Variants in CSF1R observed in about 807,000 individuals in gnomAD.
The protein encoded by CSF1R is macrophage colony-stimulating factor 1 receptor.
Under a neutral mutation model 110.0 loss-of-function variants are expected in CSF1R, and 40 were observed. The observed-to-expected ratio is 0.36, with a 90% CI of 0.28 to 0.47. CSF1R has a LOEUF of 0.47. CSF1R is among the 20% of genes least tolerant of loss of function. The probability of loss-of-function intolerance (pLI) is 0.99; values close to 1 mark genes in which losing one functional copy is unlikely to be tolerated. For synonymous variants in CSF1R, 523 were observed against 503.4 expected, an observed-to-expected ratio of 1.04 and a Z score of -0.52; for missense variants, 1,052 against 1,253.0, an observed-to-expected ratio of 0.84 and a Z score of 2.42.
chr5:150,089,622 G>A (rs1758972532), upstream of CSF1R, among the ~76,000 whole-genome samples: 1 of 152,190 alleles, frequency 6.6e-6, no homozygotes, highest in South Asian at 2.1e-4. Context: ...CTCTCAAAGT[G>A]AGACTGATTT....
intron 1 of CSF1R, among the ~76,000 whole-genome samples, chr5:150,111,455 G>C (rs1276048643): frequency 6.6e-6 from 1 of 152,228 alleles, no homozygotes; most frequent in Non-Finnish European, 1.5e-5. Flanking sequence ...GGGCCTGAGA[G>C]GCCCAAGCCC....
At chr5:150,066,495 A>G (rs1757780598) in intron 10 of CSF1R, among the ~76,000 whole-genome samples, 1 of 152,192 alleles carries the variant, frequency 6.6e-6, no homozygotes, top group Non-Finnish European at 1.5e-5. Flanking sequence ...ACCCAGACCC[A>G]TGGTATAAGA....
chr5:150,054,000 G>A lies in CSF1R; in HGVS notation c.*69C>T, dbSNP rs1226502103. ...AAGGCAGAGTTTGTATGTTCTCCCCGTGTCGCCCCATCCATGGAGGAGTTG... is the reference window on the plus strand; with the variant it reads ...AAGGCAGAGTTTGTATGTTCTCCCCATGTCGCCCCATCCATGGAGGAGTTG... On this transcript the variant is annotated 3_prime_UTR_variant, in exon 21 of 21. Coordinates refer to ENST00000675795, the MANE Select transcript of CSF1R (RefSeq NM_001288705.3). The A allele has an allele frequency of 1.3e-5, 19 of 1,473,526 alleles. No individual in the cohort carries two copies. Among genetic ancestry groups the A allele is most frequent in the Admixed American group, 5.4e-5 (3 of 55,754 alleles). 91.3% of individuals were successfully genotyped at this position (1,473,526 alleles called of 1,614,324 possible).
intron 1 of CSF1R, among the ~76,000 whole-genome samples, chr5:150,091,771 A>G (rs1323527338): frequency 6.7e-6 from 1 of 150,136 alleles, no homozygotes; most frequent in African/African-American, 2.5e-5. Context: ...TGTGAATTTT[A>G]TCTCAAAAAA....
In CSF1R at chr5:150,053,664, C is replaced by G. The variant is rs1058920; in HGVS notation, c.*405G>C. The G allele has an allele frequency of 2.3e-3, 703 of 301,708 alleles. 7 individuals carry two copies. The highest frequency in any genetic ancestry group is 0.014 in the African/African-American group (638 of 46,530). The allele number at this position is 301,708 out of a possible 1,614,324, so 18.7% of individuals were successfully genotyped here. On this transcript the variant is annotated 3_prime_UTR_variant, in exon 21 of 21. Transcript: ENST00000675795. ...CTCTCAGAGAGGGAGATCTCACTCT[C>G]TGCCAGTCTGTCTAGCCCCAAAGAG...
intron 1 of CSF1R, among the ~76,000 whole-genome samples, chr5:150,092,096 C>T (rs115711047): frequency 8.5e-5 from 13 of 152,310 alleles, no homozygotes; most frequent in African/African-American, 2.2e-4. Flanking sequence ...TGTGGCCATA[C>T]GGTCTTTGGG....
chr5:150,093,331 G>C (rs889332481), intron 1 of CSF1R, among the ~76,000 whole-genome samples: 2 of 152,026 alleles, frequency 1.3e-5, no homozygotes, highest in Non-Finnish European at 2.9e-5. Context: ...TGCCTGCTTC[G>C]GCCTCCCAAA....
chr5:150,112,616 G>A (rs1472027436), intron 1 of CSF1R, among the ~76,000 whole-genome samples: 2 of 152,210 alleles, frequency 1.3e-5, no homozygotes, highest in African/African-American at 2.4e-5. Context: ...AGGCAGATCC[G>A]GGTATCACCT....
Position 150,054,576 on chromosome 5 carries a change from A to G in CSF1R, c.2655-146T>C, listed in dbSNP as rs1048615724. ...ATAAAACCTATGCCAAGTCCTTGGC[A>G]TGCTTTACCATTTAATCCTCACAGT... is the stretch of plus-strand genomic sequence containing the variant. On this transcript the variant is annotated intron_variant, in intron 19 of 20. Transcript: ENST00000675795. 1.1e-5 allele frequency: 7 copies of G among 624,820 alleles called. No individual in the cohort carries two copies. The East Asian group carries it at 1.4e-4, about 13-fold the overall frequency. The allele number at this position is 624,820 out of a possible 1,614,324, so 38.7% of individuals were successfully genotyped here.
In CSF1R at chr5:150,086,423, C is replaced by T. The variant is rs1758849369; in HGVS notation, c.5G>A (p.Gly2Asp). 6.2e-7 allele frequency: 1 copy of T among 1,610,336 alleles called. No individual in the cohort carries two copies. Among genetic ancestry groups the T allele is most frequent in the Non-Finnish European group, 8.5e-7 (1 of 1,178,602 alleles). Residue 2 changes from glycine to aspartate, a missense_variant, in exon 1 of 21, where the codon GGC (glycine) becomes GAC (aspartate). Gly to Asp is a moderately conservative substitution (Grantham distance 94). Around this residue, in one of 5 missense-constraint regions of CSF1R, gnomAD observed 693 missense variants for 735.4 expected, o/e 0.94. Transcript: ENST00000675795. M[G>D]PGVLLLLLVA... ...CAGCAGGAGCAGCAGAACTCCTGGG[C>T]CCATGGCCTCGGTGGGGAAGTGGCA...
At chr5:150,083,827 T>C (rs1758677440) in intron 1 of CSF1R, among the ~76,000 whole-genome samples, 2 of 152,182 alleles carry the variant, frequency 1.3e-5, no homozygotes, top group African/African-American at 4.8e-5. Context: ...AAAGAGCCAA[T>C]TTACTGAACC....
chr5:150,067,234 C>T (rs1487735259), intron 10 of CSF1R: 1 of 152,076 alleles, frequency 6.6e-6, no homozygotes, highest in Non-Finnish European at 1.5e-5. Flanking sequence ...CCTCAGCTTC[C>T]TGATGGGTAA....
rs1561939503 is a variant in CSF1R at position 150,080,335 on chromosome 5, GTC to G, written c.308-1_308del. 6.2e-7 allele frequency: 1 copy of G among 1,612,398 alleles called. No homozygotes were observed. Among genetic ancestry groups the G allele is most frequent in the Non-Finnish European group, 8.5e-7 (1 of 1,179,246 alleles). On this transcript the variant is annotated splice_acceptor_variant and coding_sequence_variant, in exon 3 of 21. Transcript: ENST00000675795. LOFTEE classifies it high-confidence loss of function. ...CTAGCACGTTCCAGGGCCGGGCAGG[GTC>G]TAGAGTAGAGGAGGGCACAGGGTTA...
rs150454841 is a variant in CSF1R, at chr5:150,092,604, A to T, written c.-180-5997T>A. 3.3e-3 allele frequency among the ~76,000 whole-genome samples: 496 copies of T among 152,292 alleles called. 5 individuals are homozygous for T. Among genetic ancestry groups the T allele is most frequent in the African/African-American group, 0.011 (466 of 41,550 alleles). The stretch of plus-strand genomic sequence containing the variant: ...CAAAGGAGGAGCAGAATCACATCCA[A>T]CATGATGGCAGGCAAAAGAGTATAT... On this transcript the variant is annotated intron_variant, in intron 1 of 21. Transcript: ENST00000286301.
chr5:150,093,452 C>G (rs1033578074), intron 1 of CSF1R, among the ~76,000 whole-genome samples: 2 of 151,990 alleles, frequency 1.3e-5, no homozygotes, highest in Non-Finnish European at 2.9e-5. Flanking sequence ...AGTTGTAAAA[C>G]CCAGGACACT....
intron 6 of CSF1R, 32 bp downstream of exon 6, chr5:150,073,269 G>A (rs546610277): frequency 2.1e-5 from 34 of 1,588,934 alleles, no homozygotes; most frequent in Middle Eastern, 2.0e-4. Flanking sequence ...TCTGGTTGTC[G>A]GGCTGTGTAG....
rs1757026869 is a variant in CSF1R at position 150,053,591 on chromosome 5, T to TTGGA, written c.*477_*478insTCCA. On this transcript the variant is annotated 3_prime_UTR_variant, in exon 21 of 21. Coordinates refer to ENST00000675795, the MANE Select transcript of CSF1R (RefSeq NM_001288705.3). ...TGTGAGATTCTTAGAGGAGCCATCCTGCTCCAAGGGGCCTGAGCTGAGTGT... is the reference window on the plus strand; with the variant it reads ...TGTGAGATTCTTAGAGGAGCCATCCTTGGAGCTCCAAGGGGCCTGAGCTGAGTGT... 1 of 255,308 alleles carries TTGGA rather than the reference T, an allele frequency of 3.9e-6. No homozygotes were observed. Among genetic ancestry groups the TTGGA allele is most frequent in the Admixed American group, 5.0e-5 (1 of 20,070 alleles). The allele number at this position is 255,308 out of a possible 1,614,324, so 15.8% of individuals were successfully genotyped here. A position where few individuals can be genotyped will look rare whatever the true frequency, so the allele number is the denominator to read the frequency against.
At chr5:150,110,770 GAATA>G (rs1759693603) in intron 1 of CSF1R, among the ~76,000 whole-genome samples, 2 of 152,140 alleles carry the variant, frequency 1.3e-5, no homozygotes, top group African/African-American at 4.8e-5. Context: ...CAGAGTTGCT[GAATA>G]AAGAGAATAA....
chr5:150,091,852 CAAAAAAAA>C (rs57967086), intron 1 of CSF1R, among the ~76,000 whole-genome samples: 6 of 71,230 alleles, frequency 8.4e-5, no homozygotes, highest in Admixed American at 3.9e-4. Context: ...CCCATACTAC[CAAAAAAAA>C]AAAAAAAAAA....
Sources: gnomAD v4.1 joint callset for allele counts (sites outside exome capture counted in the v4.1 genomes callset) on GRCh38, gnomAD v4.1.1 for gene constraint, gnomAD v4.1.1 regional missense constraint, MANE v1.5 for transcripts, NCBI Gene and HGNC (gene_info 2026-07-23, HGNC 2026-07-21) for gene names.